INTS6: variants seen among roughly 807,000 people sequenced by gnomAD.
INTS6 encodes integrator complex subunit 6.
INTS6 carries 16 observed loss-of-function variants against 104.9 expected under a neutral mutation model. That is an observed-to-expected ratio of 0.15 (90% CI 0.10 to 0.23). The LOEUF is 0.23. Ranked by LOEUF, INTS6 falls within the 10% of genes least tolerant of loss-of-function variation. The probability of loss-of-function intolerance (pLI) is 1.00; values close to 1 mark genes in which losing one functional copy is unlikely to be tolerated. For synonymous variants in INTS6, 324 were observed against 358.7 expected (o/e 0.90, Z 1.09); for missense variants, 584 against 1,062.8 (o/e 0.55, Z 6.26).
intron 4 of INTS6, chr13:51,402,589 T>C (rs1956458226): frequency 6.6e-6 from 1 of 152,238 alleles, no homozygotes; most frequent in Admixed American, 6.5e-5. Flanking sequence ...CATATTGTTA[T>C]TTTAAATGAT....
At chr13:51,399,202 A>G (rs778817251) in intron 4 of INTS6, among the ~76,000 whole-genome samples, 5 of 149,572 alleles carry the variant, frequency 3.3e-5, no homozygotes, top group Non-Finnish European at 6.0e-5. Context: ...TTATCTGTAT[A>G]TCATAATTAG....
intron 10 of INTS6, 119 bp from the exon 11 acceptor site, chr13:51,379,691 G>C: frequency 2.0e-6 from 1 of 498,330 alleles, no homozygotes; most frequent in Non-Finnish European, 3.6e-6. Flanking sequence ...CCTCAATAAG[G>C]AAGTAACACA....
At chr13:51,341,365 G>A in the INTS6 span, 1,005 of 1,565,630 alleles carry the variant, frequency 6.4e-4, 3 homozygotes, top group South Asian at 7.6e-4. Context: ...GCCTGCCCAC[G>A]TGCACACTCA....
At chr13:51,415,963 G>C (rs150513710) in intron 4 of INTS6, among the ~76,000 whole-genome samples, 1 of 152,174 alleles carries the variant, frequency 6.6e-6, no homozygotes, top group Admixed American at 6.5e-5. Context: ...AGCCAAAGCA[G>C]AGCCAGGAAA....
chr13:51,451,827 G>C (rs940535224), intron 2 of INTS6, 151 bp downstream of exon 2: 1 of 438,344 alleles, frequency 2.3e-6, no homozygotes, highest in Non-Finnish European at 4.0e-6. Flanking sequence ...GGGGGAGGGG[G>C]TGGGAGCCCG....
intron 4 of INTS6, among the ~76,000 whole-genome samples, chr13:51,403,442 C>A (rs554282246): frequency 4.0e-5 from 6 of 151,856 alleles, no homozygotes; most frequent in Non-Finnish European, 7.4e-5. Context: ...ATTATCCGGG[C>A]GTGGTGGCAC....
intron 3 of INTS6, among the ~76,000 whole-genome samples, chr13:51,435,118 T>C (rs1455781320): frequency 2.6e-5 from 4 of 152,068 alleles, no homozygotes; most frequent in African/African-American, 4.8e-5. Flanking sequence ...TTTATCATAA[T>C]TATAATGATA....
At chr13:51,450,685 AC>A in intron 3 of INTS6, 15 of 1,000,622 alleles carry the variant, frequency 1.5e-5, no homozygotes, top group Non-Finnish European at 1.8e-5. Flanking sequence ...TCTCTAAGCC[AC>A]TATAATAGTT....
chr13:51,430,746 T>A (rs914245749), intron 3 of INTS6, among the ~76,000 whole-genome samples: 4 of 151,958 alleles, frequency 2.6e-5, no homozygotes, highest in Non-Finnish European at 5.9e-5. Flanking sequence ...CAAGTTACAA[T>A]AAAAAAAGAA....
chr13:51,430,620 A>C lies in INTS6; in HGVS notation c.340-237T>G, dbSNP rs1374993253. ...GAGGTGGATTTTTCACTTCTTTATA[A>C]ATTTGTGTATTGCTTTCATTTTTAG... is the stretch of plus-strand genomic sequence containing the variant. On this transcript the variant is annotated intron_variant, in intron 3 of 17. Coordinates refer to ENST00000311234, the MANE Select transcript of INTS6 (RefSeq NM_012141.3). Among the ~76,000 whole-genome samples, 7 of 152,156 alleles carry C rather than the reference A, an allele frequency of 4.6e-5. No individual in the cohort carries two copies. In the East Asian group the frequency reaches 1.2e-3, roughly 25 times the overall value.
intron 3 of INTS6, chr13:51,446,443 T>C (rs1251457318): frequency 6.6e-6 from 1 of 152,216 alleles, no homozygotes; most frequent in Non-Finnish European, 1.5e-5. Context: ...GTAACCCTCG[T>C]GCACTGTTGG....
the INTS6 span, among the ~76,000 whole-genome samples, chr13:51,337,805 G>A: frequency 6.6e-6 from 1 of 152,176 alleles, no homozygotes; most frequent in African/African-American, 2.4e-5. Flanking sequence ...TATATATGTT[G>A]TTAAAATTAC....
chr13:51,391,302 T>C (rs1206076358), intron 5 of INTS6, among the ~76,000 whole-genome samples: 4 of 152,170 alleles, frequency 2.6e-5, no homozygotes, highest in Non-Finnish European at 5.9e-5. Flanking sequence ...ATGACAATTA[T>C]CTTGCTCTCC....
chr13:51,429,891 C>T (rs575379843), intron 4 of INTS6, among the ~76,000 whole-genome samples: 2 of 148,754 alleles, frequency 1.3e-5, no homozygotes, highest in South Asian at 2.1e-4. Context: ...CTTGGCTTTG[C>T]TATACTCTAG....
chr13:51,378,365 AC>A lies in INTS6; in HGVS notation c.1475del (p.Gly492ValfsTer26). On this transcript the variant is annotated frameshift_variant, in exon 12 of 18. Transcript: ENST00000311234. LOFTEE classifies it high-confidence loss of function. ...AATCTTTCCTATATGCCATTGATAA[AC>A]CATGTGATCGGCTCCGGACTTTTAT... ...TGIKVRSRSH[G>X]LSMAYRKDFQ... 1 of 1,613,460 alleles carries A rather than the reference AC, an allele frequency of 6.2e-7. No individual in the cohort carries two copies. The highest frequency in any genetic ancestry group is 8.5e-7 in the Non-Finnish European group (1 of 1,179,508).
At position 51,383,393 on chromosome 13, in the gene INTS6, T is replaced by C. The variant is rs1488523631; in HGVS notation, c.1116A>G (p.Thr372=). Reference sequence around the variant, plus strand: ...CAAATAAGTTGACACAGTTCAGTGCTGTACTGGCTTTCAAGTAACCAAAAG... The same window carrying C: ...CAAATAAGTTGACACAGTTCAGTGCCGTACTGGCTTTCAAGTAACCAAAAG... ...GHPFGYLKAS[T]ALNCVNLFVM... The change falls in exon 9 of 18, where the codon ACA becomes ACG. Residue 372 remains threonine, a synonymous_variant. Transcript: ENST00000311234. 1.9e-6 allele frequency: 3 copies of C among 1,614,046 alleles called. No homozygotes were observed. Among genetic ancestry groups the C allele is most frequent in the Non-Finnish European group, 1.7e-6 (2 of 1,179,930 alleles).
At chr13:51,428,519 G>T (rs1957026180) in intron 4 of INTS6, among the ~76,000 whole-genome samples, 1 of 151,482 alleles carries the variant, frequency 6.6e-6, no homozygotes, top group South Asian at 2.1e-4. Context: ...TAGAGACAGG[G>T]TTTCACCATG....
chr13:51,400,107 G>A (rs531421550), intron 4 of INTS6, among the ~76,000 whole-genome samples: 1 of 152,310 alleles, frequency 6.6e-6, no homozygotes, highest in South Asian at 2.1e-4. Flanking sequence ...AATCTAGGTT[G>A]TGCGCTCCTT....
At chr13:51,449,815 A>T in intron 3 of INTS6, 2 of 985,368 alleles carry the variant, frequency 2.0e-6, no homozygotes, top group Non-Finnish European at 2.4e-6. Context: ...AAATAAAAGC[A>T]GCAGAGATGG....
Sources: gnomAD v4.1 joint callset for allele counts (sites outside exome capture counted in the v4.1 genomes callset) on GRCh38, gnomAD v4.1.1 for gene constraint, MANE v1.5 for transcripts, NCBI Gene and HGNC (gene_info 2026-07-23, HGNC 2026-07-21) for gene names.